DNAH12: variants seen among roughly 807,000 people sequenced by gnomAD.
The protein encoded by DNAH12 is axonemal beta dynein heavy chain 12.
Under a neutral mutation model 371.5 loss-of-function variants are expected in DNAH12, and 285 were observed. That is an observed-to-expected ratio of 0.77 (90% CI 0.70 to 0.85). The LOEUF (loss-of-function observed/expected upper bound fraction) is 0.85. Ranked by LOEUF, DNAH12 falls within the 40% of genes least tolerant of loss-of-function variation. DNAH12 has a pLI of 0.00. For missense variants in DNAH12, 3,611 were observed against 3,689.4 expected (o/e 0.98, Z 0.55); for synonymous variants, 1,200 against 1,213.0 (o/e 0.99, Z 0.22).
intron 57 of DNAH12, among the ~76,000 whole-genome samples, chr3:57,365,597 G>A (rs1446047210): frequency 2.0e-5 from 3 of 152,070 alleles, no homozygotes; most frequent in East Asian, 1.9e-4. Flanking sequence ...TCATGCACAT[G>A]TATCCTGGAA....
rs2062988815 is a variant in DNAH12 at position 57,363,763 on chromosome 3, T to C, written c.9191A>G (p.Asn3064Ser). ...KERPELEEERNALILQSAANK... is the reference protein window; with the variant it reads ...KERPELEEERSALILQSAANK... ...AGCTGCAGACTGAAGAATCAGGGCA[T>C]TTCGTTCCTCTTCTAATTCTGGTCT... The change falls in exon 58 of 74, where the codon AAT becomes AGT. Residue 3064 changes from asparagine to serine, a missense_variant. By Grantham distance (46) the Asn-to-Ser change is conservative. Coordinates refer to ENST00000495027, the MANE Select transcript of DNAH12 (RefSeq NM_001366028.2). The C allele has an allele frequency of 2.6e-5, 4 of 152,188 alleles. No individual in the cohort carries two copies. Among genetic ancestry groups the C allele is most frequent in the African/African-American group, 9.6e-5 (4 of 41,458 alleles). The allele number at this position is 152,188 out of a possible 1,614,324, so 9.4% of individuals were successfully genotyped here. A position where few individuals can be genotyped will look rare whatever the true frequency, so the allele number is the denominator to read the frequency against.
In DNAH12 at chr3:57,469,004, T is replaced by A. The variant is rs2066286015; in HGVS notation, c.2106-25A>T. On this transcript the variant is annotated intron_variant, in intron 16 of 73. Coordinates refer to ENST00000495027, the MANE Select transcript of DNAH12 (RefSeq NM_001366028.2). ...CCTGAATGGAAAGAAAAAATATTAT[T>A]AAACTCAGACTTTTGAAGTTTGAAG... 5 of 1,510,554 alleles carry A rather than the reference T, an allele frequency of 3.3e-6. No homozygotes were observed. In the South Asian group the frequency reaches 4.0e-5, roughly 12 times the overall value. 93.6% of individuals were successfully genotyped at this position (1,510,554 alleles called of 1,614,324 possible).
intron 69 of DNAH12, among the ~76,000 whole-genome samples, chr3:57,305,646 C>T (rs1365419058): frequency 1.3e-5 from 2 of 152,140 alleles, no homozygotes; most frequent in African/African-American, 4.8e-5. Context: ...TGGCGGCAAC[C>T]CTGAGACGCT....
chr3:57,419,221 C>G (rs1352867480), intron 37 of DNAH12, 146 bp downstream of exon 37: 9 of 761,412 alleles, frequency 1.2e-5, no homozygotes, highest in Non-Finnish European at 1.7e-5. Context: ...CCAATAGCAA[C>G]AGATGTCACT....
At chr3:57,437,797 A>C (rs1478284182) in intron 29 of DNAH12, among the ~76,000 whole-genome samples, 7 of 152,246 alleles carry the variant, frequency 4.6e-5, no homozygotes, top group Non-Finnish European at 2.9e-5. Context: ...AGATTTCTTT[A>C]GTCTCAGAAT....
chr3:57,377,601 GT>G (rs1417935871), intron 52 of DNAH12, among the ~76,000 whole-genome samples: 10 of 148,178 alleles, frequency 6.7e-5, no homozygotes, highest in South Asian at 2.1e-4. Flanking sequence ...TGTTTTGGGT[GT>G]TTTTTTTTTC....
chr3:57,535,248 G>T (rs557279028), intron 2 of DNAH12, among the ~76,000 whole-genome samples: 2 of 152,188 alleles, frequency 1.3e-5, no homozygotes, highest in East Asian at 3.9e-4. Flanking sequence ...AAAAGTTCAC[G>T]TGTTGGAAAC....
intron 34 of DNAH12, 108 bp downstream of exon 34, chr3:57,428,525 G>T (rs1210734519): frequency 3.3e-6 from 5 of 1,519,772 alleles, no homozygotes; most frequent in Non-Finnish European, 4.4e-6. Flanking sequence ...AAATGCATAA[G>T]GACAAACTGG....
chr3:57,507,830 C>T lies in DNAH12; in HGVS notation c.710G>A (p.Gly237Asp). ...LLDFTGIRAKGPIDCESLKTD... is the reference protein window; with the variant it reads ...LLDFTGIRAKDPIDCESLKTD... Reference sequence around the variant, plus strand: ...TTTCAGTGATTCACAGTCAATTGGACCTTTAGCTCTATTTATGAGAAAAAG... The same window carrying T: ...TTTCAGTGATTCACAGTCAATTGGATCTTTAGCTCTATTTATGAGAAAAAG... The change falls in exon 8 of 74, where the codon GGT becomes GAT. Residue 237 changes from glycine (G) to aspartate (D), a missense_variant. Physicochemically the swap from Gly to Asp is moderately conservative, Grantham distance 94. Transcript: ENST00000495027. The T allele has an allele frequency of 1.3e-6, 2 of 1,572,416 alleles. No homozygotes were observed. Among genetic ancestry groups the T allele is most frequent in the Non-Finnish European group, 1.7e-6 (2 of 1,169,348 alleles).
chr3:57,461,041 G>T (rs945834802), intron 19 of DNAH12, among the ~76,000 whole-genome samples: 1 of 152,034 alleles, frequency 6.6e-6, no homozygotes, highest in Non-Finnish European at 1.5e-5. Context: ...AAATAATCTT[G>T]GAGCCTCAAA....
intron 12 of DNAH12, among the ~76,000 whole-genome samples, chr3:57,483,993 A>G (rs1020169707): frequency 6.0e-5 from 9 of 150,038 alleles, no homozygotes; most frequent in African/African-American, 2.2e-4. Context: ...ATAATTCAGT[A>G]TATACTATAC....
chr3:57,363,375 T>TATA (rs1191196875), intron 58 of DNAH12, among the ~76,000 whole-genome samples: 6 of 152,216 alleles, frequency 3.9e-5, no homozygotes, highest in Non-Finnish European at 1.5e-5. Context: ...TTCTTCTGTG[T>TATA]ATAGATACCA....
At chr3:57,404,694 T>C (rs2063972270) in intron 42 of DNAH12, among the ~76,000 whole-genome samples, 1 of 151,998 alleles carries the variant, frequency 6.6e-6, no homozygotes, top group African/African-American at 2.4e-5. Flanking sequence ...CACTCCAATC[T>C]GGGCAACAGA....
chr3:57,491,092 A>C (rs1425598646), intron 11 of DNAH12, among the ~76,000 whole-genome samples: 2 of 147,124 alleles, frequency 1.4e-5, no homozygotes, highest in Admixed American at 1.4e-4. Context: ...AAAAAAAAAA[A>C]AAAAAAAAAC....
At chr3:57,332,440 C>T (rs753050824) in intron 62 of DNAH12, among the ~76,000 whole-genome samples, 3 of 152,178 alleles carry the variant, frequency 2.0e-5, no homozygotes, top group Non-Finnish European at 4.4e-5. Flanking sequence ...AATGAAACCA[C>T]CATTTTTGCA....
chr3:57,396,218 C>T (rs1211230958), intron 43 of DNAH12, among the ~76,000 whole-genome samples: 3 of 133,266 alleles, frequency 2.3e-5, no homozygotes, highest in Admixed American at 9.2e-5. Flanking sequence ...GCAGAGGTTG[C>T]AGTGAGCCAG....
chr3:57,368,613 C>T (rs1230659290), intron 55 of DNAH12, among the ~76,000 whole-genome samples: 21 of 152,104 alleles, frequency 1.4e-4, no homozygotes, highest in African/African-American at 4.6e-4. Context: ...CATCTGTTAA[C>T]ATAATATGAA....
chr3:57,351,761 G>C (rs1332626743), intron 60 of DNAH12, among the ~76,000 whole-genome samples: 1 of 152,108 alleles, frequency 6.6e-6, no homozygotes, highest in East Asian at 1.9e-4. Context: ...ACCTTTTTGG[G>C]GTAGTAAGGA....
chr3:57,349,811 T>C (rs569802381), intron 60 of DNAH12, among the ~76,000 whole-genome samples: 1 of 152,220 alleles, frequency 6.6e-6, no homozygotes, highest in Non-Finnish European at 1.5e-5. Context: ...CCTCAGCCTC[T>C]TGAGTAGCTG....
Sources: allele counts gnomAD v4.1 joint callset (sites outside exome capture counted in the v4.1 genomes callset), GRCh38; gene constraint gnomAD v4.1.1; transcripts MANE v1.5; gene names NCBI Gene and HGNC (gene_info 2026-07-23, HGNC 2026-07-21).